CNTN4: variants seen among roughly 807,000 people sequenced by gnomAD.
The protein encoded by CNTN4 is contactin-4.
A neutral mutation model predicts 122.5 loss-of-function variants in CNTN4; 77 were observed. The observed-to-expected ratio is 0.63, with a 90% CI of 0.52 to 0.76. CNTN4 has a LOEUF of 0.76. CNTN4 is among the 30% of genes least tolerant of loss of function. The pLI, the probability that CNTN4 is intolerant of heterozygous loss-of-function variation, is 0.00. For synonymous variants in CNTN4, 512 were observed against 447.0 expected (o/e 1.15, Z -1.83); for missense variants, 1,256 against 1,259.1 (o/e 1.00, Z 0.04).
At chr3:2,969,629 C>T (rs1387670999) in intron 13 of CNTN4, among the ~76,000 whole-genome samples, 1 of 152,094 alleles carries the variant, frequency 6.6e-6, no homozygotes, top group Admixed American at 6.6e-5. Flanking sequence ...GTTGCTTCTT[C>T]CCTTTTGAAT....
intron 13 of CNTN4, among the ~76,000 whole-genome samples, chr3:2,957,592 C>T (rs1276257278): frequency 6.6e-6 from 1 of 152,106 alleles, no homozygotes. Context: ...CACATCCCCT[C>T]CCCACCTTCC....
At chr3:2,525,385 A>G (rs2077365268) in intron 3 of CNTN4, among the ~76,000 whole-genome samples, 1 of 152,168 alleles carries the variant, frequency 6.6e-6, no homozygotes, top group Non-Finnish European at 1.5e-5. Flanking sequence ...TATTGTGAAC[A>G]TAACAACTGA....
At chr3:2,389,165 A>G (rs2046355562) in intron 3 of CNTN4, among the ~76,000 whole-genome samples, 1 of 152,064 alleles carries the variant, frequency 6.6e-6, no homozygotes, top group Non-Finnish European at 1.5e-5. Context: ...CATCTCAAAA[A>G]AAAAAGCCAC....
intron 6 of CNTN4, among the ~76,000 whole-genome samples, chr3:2,788,954 G>C (rs78115706): frequency 1.5e-4 from 23 of 152,258 alleles, no homozygotes; most frequent in African/African-American, 5.5e-4. Context: ...CAGAAAAAAA[G>C]TTCTGATTCT....
chr3:2,168,332 G>T (rs893522887), intron 2 of CNTN4, among the ~76,000 whole-genome samples: 3 of 152,006 alleles, frequency 2.0e-5, no homozygotes, highest in East Asian at 3.9e-4. Context: ...TGAGCTACTT[G>T]GAAATTAAAA....
At chr3:2,691,128 T>C (rs1275851931) in intron 4 of CNTN4, among the ~76,000 whole-genome samples, 34 of 152,204 alleles carry the variant, frequency 2.2e-4, no homozygotes, top group Admixed American at 2.1e-3. Flanking sequence ...ATGGCTTGTC[T>C]CTGCATTGGC....
At chr3:2,591,132 C>T (rs1247414933) in intron 4 of CNTN4, among the ~76,000 whole-genome samples, 1 of 152,144 alleles carries the variant, frequency 6.6e-6, no homozygotes, top group Non-Finnish European at 1.5e-5. Flanking sequence ...CTCGCTTGTG[C>T]ATCTCACCAT....
At chr3:2,565,284 T>C (rs931387732) in intron 3 of CNTN4, among the ~76,000 whole-genome samples, 2 of 152,168 alleles carry the variant, frequency 1.3e-5, no homozygotes, top group African/African-American at 2.4e-5. Flanking sequence ...AATAATCTAA[T>C]GATAAAAACC....
At chr3:2,287,714 A>G (rs1203249297) in intron 2 of CNTN4, among the ~76,000 whole-genome samples, 52 of 58,388 alleles carry the variant, frequency 8.9e-4, no homozygotes, top group Non-Finnish European at 1.2e-3. Flanking sequence ...AAGAAGAGGA[A>G]GAAGAAGAAG....
At chr3:2,986,041 A>T in intron 13 of CNTN4, among the ~76,000 whole-genome samples, 1 of 151,660 alleles carries the variant, frequency 6.6e-6, no homozygotes, top group East Asian at 1.9e-4. Flanking sequence ...CAGCCCCCCA[A>T]GTAGCTGGGA....
intron 12 of CNTN4, among the ~76,000 whole-genome samples, chr3:2,919,900 C>G (rs531619027): frequency 6.6e-6 from 1 of 151,996 alleles, no homozygotes; most frequent in East Asian, 1.9e-4. Context: ...TCTAAAATGT[C>G]TTTAAAATAT....
chr3:2,114,691 G>A (rs2033219345), intron 2 of CNTN4, among the ~76,000 whole-genome samples: 1 of 152,154 alleles, frequency 6.6e-6, no homozygotes, highest in South Asian at 2.1e-4. Flanking sequence ...TCATGGCTTT[G>A]TGCAAAGTAG....
intron 2 of CNTN4, among the ~76,000 whole-genome samples, chr3:2,261,605 C>G (rs1435680567): frequency 6.6e-6 from 1 of 152,142 alleles, no homozygotes; most frequent in African/African-American, 2.4e-5. Context: ...GCTTCTGCAT[C>G]AACCATTAAC....
At chr3:2,977,137 A>G (rs9830181) in intron 13 of CNTN4, among the ~76,000 whole-genome samples, 14,048 of 152,220 alleles carry the variant, frequency 0.092, 735 homozygotes, top group Non-Finnish European at 0.12. Flanking sequence ...TTTCTTGGGC[A>G]TTGTATTCCA....
intron 7 of CNTN4, among the ~76,000 whole-genome samples, chr3:2,835,994 C>T (rs1349462718): frequency 1.3e-5 from 2 of 151,946 alleles, no homozygotes; most frequent in African/African-American, 4.8e-5. Flanking sequence ...TAATCAAGAA[C>T]AAACTAGAGA....
At chr3:3,051,301 GCCTT>G (rs1701246961) in intron 23 of CNTN4, among the ~76,000 whole-genome samples, 1 of 152,114 alleles carries the variant, frequency 6.6e-6, no homozygotes, top group Non-Finnish European at 1.5e-5. Flanking sequence ...TGCAAGCACA[GCCTT>G]CAATCAGCTC....
chr3:2,464,703 C>A (rs1391969218), intron 3 of CNTN4, among the ~76,000 whole-genome samples: 1 of 152,180 alleles, frequency 6.6e-6, no homozygotes, highest in Non-Finnish European at 1.5e-5. Flanking sequence ...TTATCAAGGA[C>A]TACAGTTGAG....
intron 2 of CNTN4, among the ~76,000 whole-genome samples, chr3:2,173,395 C>T (rs2036599631): frequency 6.6e-6 from 1 of 152,150 alleles, no homozygotes; most frequent in South Asian, 2.1e-4. Context: ...ATTTTTCATC[C>T]CATAATGTAA....
chr3:2,546,045 G>A (rs1317071104), intron 3 of CNTN4, among the ~76,000 whole-genome samples: 2 of 152,022 alleles, frequency 1.3e-5, no homozygotes, highest in Non-Finnish European at 2.9e-5. Context: ...CAGGAAAAAA[G>A]GGAATGCTTA....
Sources: allele counts gnomAD v4.1 joint callset (sites outside exome capture counted in the v4.1 genomes callset), GRCh38; gene constraint gnomAD v4.1.1; transcripts MANE v1.5; gene names NCBI Gene and HGNC (gene_info 2026-07-23, HGNC 2026-07-21).